Variants in TMEM132D observed in about 807,000 individuals in gnomAD.
TMEM132D encodes transmembrane protein 132D, also known as mature OL transmembrane protein.
Under a neutral mutation model 62.3 loss-of-function variants are expected in TMEM132D, and 21 were observed. The ratio of observed to expected loss-of-function variants is 0.34; its 90% confidence interval spans 0.24 to 0.49. The LOEUF (loss-of-function observed/expected upper bound fraction) is 0.49, where lower values mean the gene tolerates loss of function less well. TMEM132D is among the 20% of genes least tolerant of loss of function. The probability of loss-of-function intolerance (pLI) is 0.99; values close to 1 mark genes in which losing one functional copy is unlikely to be tolerated. For synonymous variants in TMEM132D, 621 were observed against 575.6 expected (o/e 1.08, Z -1.13); for missense variants, 1,346 against 1,402.8 (o/e 0.96, Z 0.65).
chr12:129,719,628 T>C (rs1322998746), intron 1 of TMEM132D, among the ~76,000 whole-genome samples: 2 of 152,220 alleles, frequency 1.3e-5, no homozygotes, highest in South Asian at 2.1e-4. Context: ...CTGTAAGTGC[T>C]GAATTCCATA....
chr12:129,256,475 C>T (rs1009724671), intron 4 of TMEM132D, among the ~76,000 whole-genome samples: 1 of 152,074 alleles, frequency 6.6e-6, no homozygotes, highest in African/African-American at 2.4e-5. Context: ...GGCTGGAGTG[C>T]AGTGGCACAA....
intron 7 of TMEM132D, 31 bp downstream of exon 7, chr12:129,081,728 T>C (rs1874452266): frequency 6.5e-7 from 1 of 1,540,810 alleles, no homozygotes; most frequent in Non-Finnish European, 8.7e-7. Flanking sequence ...CAGAGAGATC[T>C]TGATTTGGGG....
chr12:129,394,358 C>T (rs552625686), intron 3 of TMEM132D, among the ~76,000 whole-genome samples: 73 of 152,300 alleles, frequency 4.8e-4, no homozygotes, highest in African/African-American at 1.7e-3. Context: ...CCTGCCTGGG[C>T]GGAAACACTA....
At chr12:129,252,943 A>G (rs1451930884) in intron 4 of TMEM132D, among the ~76,000 whole-genome samples, 1 of 151,330 alleles carries the variant, frequency 6.6e-6, no homozygotes. Flanking sequence ...TCGCAAGGAC[A>G]AAAAAACCAA....
At chr12:129,704,020 C>A (rs1881446481) in intron 1 of TMEM132D, among the ~76,000 whole-genome samples, 1 of 151,792 alleles carries the variant, frequency 6.6e-6, no homozygotes, top group Admixed American at 6.6e-5. Context: ...GACTCAAATA[C>A]CTCACATAGA....
chr12:129,901,250 A>G (rs1483678063), intron 1 of TMEM132D, among the ~76,000 whole-genome samples: 1 of 152,202 alleles, frequency 6.6e-6, no homozygotes, highest in African/African-American at 2.4e-5. Flanking sequence ...ATGGGTGAGA[A>G]CTTTCAAGTG....
At chr12:129,333,468 G>C (rs2135653377) in intron 4 of TMEM132D, among the ~76,000 whole-genome samples, 1 of 152,234 alleles carries the variant, frequency 6.6e-6, no homozygotes, top group Non-Finnish European at 1.5e-5. Flanking sequence ...GAGATATACG[G>C]GGAACTTTTT....
intron 4 of TMEM132D, among the ~76,000 whole-genome samples, chr12:129,265,915 T>C (rs1880679235): frequency 6.6e-6 from 1 of 152,132 alleles, no homozygotes; most frequent in Non-Finnish European, 1.5e-5. Context: ...ATCTCATTCA[T>C]GATCTCTTCC....
chr12:129,498,119 A>G (rs1875015790), intron 3 of TMEM132D, among the ~76,000 whole-genome samples: 1 of 152,220 alleles, frequency 6.6e-6, no homozygotes, highest in Non-Finnish European at 1.5e-5. Context: ...CAGAGAGTAA[A>G]CAGTACATAG....
chr12:129,797,274 A>T (rs777653484), intron 1 of TMEM132D, among the ~76,000 whole-genome samples: 106 of 152,154 alleles, frequency 7.0e-4, no homozygotes, highest in Non-Finnish European at 1.3e-3. Context: ...GAATGTTTTC[A>T]GTTACCTGTT....
chr12:129,724,897 G>A (rs768172002), intron 1 of TMEM132D, among the ~76,000 whole-genome samples: 11 of 152,284 alleles, frequency 7.2e-5, no homozygotes, highest in South Asian at 4.1e-4. Context: ...CTAGGCACAC[G>A]GGAAGATAGC....
At chr12:129,143,660 A>G (rs1412636521) in intron 5 of TMEM132D, among the ~76,000 whole-genome samples, 1 of 152,222 alleles carries the variant, frequency 6.6e-6, no homozygotes, top group African/African-American at 2.4e-5. Flanking sequence ...GATAAAAACC[A>G]ATACATGTAT....
At chr12:129,143,069 G>GAC (rs1476281621) in intron 5 of TMEM132D, among the ~76,000 whole-genome samples, 2 of 152,022 alleles carry the variant, frequency 1.3e-5, no homozygotes, top group Non-Finnish European at 2.9e-5. Context: ...ATTCAGTTCT[G>GAC]ACACTGTCTA....
At position 129,734,691 on chromosome 12, in the gene TMEM132D, A is replaced by T. The variant is rs1185907274; in HGVS notation, c.80-33993T>A. Reference sequence around the variant, plus strand: ...CAAAAATGGAAAGTTTGTTTAATTAATTTAAAAAATTAATAAATTAATTCC... The same window carrying T: ...CAAAAATGGAAAGTTTGTTTAATTATTTTAAAAAATTAATAAATTAATTCC... On this transcript the variant is annotated intron_variant, in intron 1 of 8. Transcript: ENST00000422113. Among the ~76,000 whole-genome samples the T allele has an allele frequency of 2.0e-5, 3 of 152,334 alleles. No individual in the cohort carries two copies. The East Asian group carries it at 5.8e-4, about 29-fold the overall frequency.
intron 2 of TMEM132D, among the ~76,000 whole-genome samples, chr12:129,658,723 T>C (rs930700469): frequency 1.2e-4 from 18 of 152,212 alleles, no homozygotes; most frequent in Non-Finnish European, 2.5e-4. Context: ...GGTTACTTGG[T>C]GCCTGCATTT....
At chr12:129,409,639 T>C (rs1236780142) in intron 3 of TMEM132D, among the ~76,000 whole-genome samples, 3 of 152,230 alleles carry the variant, frequency 2.0e-5, no homozygotes, top group African/African-American at 4.8e-5. Flanking sequence ...GATGCTCCTA[T>C]ATTGTTCAAT....
intron 3 of TMEM132D, among the ~76,000 whole-genome samples, chr12:129,450,153 T>C (rs896590297): frequency 1.3e-5 from 2 of 152,196 alleles, no homozygotes; most frequent in Non-Finnish European, 2.9e-5. Flanking sequence ...TCCCATTCTG[T>C]AGGTTGTCTG....
At chr12:129,770,146 T>TG (rs1254512325) in intron 1 of TMEM132D, among the ~76,000 whole-genome samples, 4 of 139,608 alleles carry the variant, frequency 2.9e-5, no homozygotes, top group African/African-American at 1.1e-4. Context: ...TTTGGTTGTT[T>TG]TTTTTTTTTT....
intron 2 of TMEM132D, among the ~76,000 whole-genome samples, chr12:129,627,913 G>A (rs603844): frequency 0.64 from 96,650 of 151,924 alleles, 30,939 homozygotes; most frequent in Middle Eastern, 0.72. Context: ...CTTGAGCCCA[G>A]GGGGTCAAGG....
Sources: gnomAD v4.1 joint callset for allele counts (sites outside exome capture counted in the v4.1 genomes callset) on GRCh38, gnomAD v4.1.1 for gene constraint, MANE v1.5 for transcripts, NCBI Gene and HGNC (gene_info 2026-07-23, HGNC 2026-07-21) for gene names.